Variants in FBXL13 observed in about 807,000 individuals in gnomAD.
The protein encoded by FBXL13 is F-box and leucine rich repeat protein 13, also known as F-box and leucine-rich repeat protein 13.
A neutral mutation model predicts 83.6 loss-of-function variants in FBXL13; 67 were observed. The observed-to-expected ratio is 0.80, with a 90% CI of 0.66 to 0.98. FBXL13 has a LOEUF of 0.98. Ranked by LOEUF, FBXL13 falls within the 50% of genes least tolerant of loss-of-function variation. FBXL13 has a pLI of 0.00. For synonymous variants in FBXL13, 272 were observed against 299.5 expected, an observed-to-expected ratio of 0.91 and a Z score of 0.95; for missense variants, 822 against 866.5, an observed-to-expected ratio of 0.95 and a Z score of 0.64.
intron 8 of FBXL13, chr7:102,944,509 G>A: frequency 6.2e-7 from 1 of 1,614,024 alleles, no homozygotes; most frequent in Non-Finnish European, 8.5e-7. Flanking sequence ...AGCATATCCT[G>A]AGTCATTTGA....
intron 8 of FBXL13, among the ~76,000 whole-genome samples, chr7:102,958,962 C>T (rs1022143263): frequency 2.6e-5 from 4 of 151,978 alleles, no homozygotes; most frequent in Non-Finnish European, 5.9e-5. Flanking sequence ...AAAAAGGAGA[C>T]ATGAACAAGA....
At chr7:102,954,769 C>G (rs759259210) in intron 8 of FBXL13, among the ~76,000 whole-genome samples, 2 of 152,042 alleles carry the variant, frequency 1.3e-5, no homozygotes, top group East Asian at 3.9e-4. Context: ...AGACTTTAAA[C>G]CAACAAAGAT....
chr7:102,932,028 A>G, intron 8 of FBXL13, 95 bp from the exon 10 acceptor site: 2 of 1,156,720 alleles, frequency 1.7e-6, no homozygotes, highest in Non-Finnish European at 2.5e-6. Flanking sequence ...ATTCATTAGA[A>G]AACAAACAAA....
chr7:103,052,352 T>C (rs1796901753), intron 2 of FBXL13, among the ~76,000 whole-genome samples: 1 of 152,100 alleles, frequency 6.6e-6, no homozygotes, highest in Non-Finnish European at 1.5e-5. Context: ...GCCTCCTAAG[T>C]AGATGGGAGT....
At position 102,854,759 on chromosome 7, in the gene FBXL13, T is replaced by A; in HGVS notation, c.1719+18A>T. Reference sequence around the variant, plus strand: ...ATTTCAATCTTAATTCTTTAACAGATGATCTTAATGATCTTACCTGAATTC... The same window carrying A: ...ATTTCAATCTTAATTCTTTAACAGAAGATCTTAATGATCTTACCTGAATTC... On this transcript the variant is annotated intron_variant, in intron 17 of 19. Transcript: ENST00000313221. 7.1e-7 allele frequency: 1 copy of A among 1,407,794 alleles called. No individual in the cohort carries two copies. The highest frequency in any genetic ancestry group is 1.4e-5 in the South Asian group (1 of 72,852). The allele number at this position is 1,407,794 out of a possible 1,614,324, so 87.2% of individuals were successfully genotyped here. A position where few individuals can be genotyped will look rare whatever the true frequency, so the allele number is the denominator to read the frequency against.
chr7:103,010,312 C>G (rs2129486427), intron 6 of FBXL13, among the ~76,000 whole-genome samples: 1 of 152,216 alleles, frequency 6.6e-6, no homozygotes, highest in South Asian at 2.1e-4. Context: ...AGGAAATACC[C>G]AGATGGCAGG....
At chr7:103,001,798 G>A (rs1479778243) in intron 6 of FBXL13, among the ~76,000 whole-genome samples, 2 of 152,166 alleles carry the variant, frequency 1.3e-5, no homozygotes, top group Admixed American at 1.3e-4. Flanking sequence ...TGGGCCTTTG[G>A]CCACAGAATG....
At chr7:102,885,633 T>C (rs1432326150) in intron 11 of FBXL13, among the ~76,000 whole-genome samples, 7 of 152,196 alleles carry the variant, frequency 4.6e-5, no homozygotes, top group Non-Finnish European at 7.3e-5. Context: ...TGAAGTTCAG[T>C]TTATCTATTT....
At chr7:102,826,749 A>G (rs1240788059) in intron 18 of FBXL13, among the ~76,000 whole-genome samples, 4 of 103,104 alleles carry the variant, frequency 3.9e-5, no homozygotes, top group African/African-American at 1.4e-4. Context: ...ATATATATAT[A>G]TATATATATA....
At chr7:102,999,257 C>G (rs1385039199) in intron 6 of FBXL13, among the ~76,000 whole-genome samples, 1 of 151,918 alleles carries the variant, frequency 6.6e-6, no homozygotes, top group Non-Finnish European at 1.5e-5. Flanking sequence ...TCTTTGCATC[C>G]CTGGGATGAA....
chr7:103,025,095 T>C (rs1793753110), exon 6 of FBXL13: 2 of 1,611,746 alleles, frequency 1.2e-6, no homozygotes, highest in Admixed American at 3.4e-5. Flanking sequence ...AACAGTGAAA[T>C]GTCACATTTT....
chr7:102,965,678 G>A (rs767643550), intron 7 of FBXL13, among the ~76,000 whole-genome samples: 2 of 152,188 alleles, frequency 1.3e-5, no homozygotes, highest in Non-Finnish European at 2.9e-5. Flanking sequence ...AAACATGTTT[G>A]TGTTTCTCAT....
chr7:103,031,834 G>T (rs1794541777), intron 2 of FBXL13, among the ~76,000 whole-genome samples: 1 of 152,046 alleles, frequency 6.6e-6, no homozygotes, highest in Admixed American at 6.6e-5. Context: ...TACTTTTTTA[G>T]GCCAGTGGCC....
intron 2 of FBXL13, among the ~76,000 whole-genome samples, chr7:103,043,762 C>T (rs1295117126): frequency 6.6e-6 from 1 of 152,204 alleles, no homozygotes; most frequent in Non-Finnish European, 1.5e-5. Flanking sequence ...GATCCACCTG[C>T]CTTGGCCTCC....
At chr7:102,833,094 C>T (rs938057924) in intron 17 of FBXL13, 120 bp from the exon 19 acceptor site, 2 of 1,018,598 alleles carry the variant, frequency 2.0e-6, no homozygotes, top group Admixed American at 2.9e-5. Context: ...GATCTTGATG[C>T]CCCCAAAAAA....
At chr7:102,842,343 G>A (rs985092834) in intron 17 of FBXL13, among the ~76,000 whole-genome samples, 16 of 152,114 alleles carry the variant, frequency 1.1e-4, no homozygotes, top group East Asian at 7.7e-4. Flanking sequence ...AAAACAAATA[G>A]AAATCAATGT....
intron 6 of FBXL13, among the ~76,000 whole-genome samples, chr7:102,979,489 T>A (rs941239421): frequency 6.6e-6 from 1 of 152,216 alleles, no homozygotes; most frequent in Admixed American, 6.5e-5. Flanking sequence ...TAAGGTAACA[T>A]ACTCACAGGT....
intron 11 of FBXL13, among the ~76,000 whole-genome samples, chr7:102,911,449 T>G (rs1235114370): frequency 1.3e-5 from 2 of 152,148 alleles, no homozygotes; most frequent in Non-Finnish European, 2.9e-5. Context: ...TCAAGCACAT[T>G]AAGTTGTTCC....
intron 19 of FBXL13, among the ~76,000 whole-genome samples, chr7:102,819,431 A>G (rs1378428700): frequency 6.6e-6 from 1 of 152,154 alleles, no homozygotes; most frequent in Non-Finnish European, 1.5e-5. Flanking sequence ...GGCTACAGCC[A>G]ATTTGCTCAT....
Sources: gnomAD v4.1 joint callset for allele counts (sites outside exome capture counted in the v4.1 genomes callset) on GRCh38, gnomAD v4.1.1 for gene constraint, MANE v1.5 for transcripts, NCBI Gene and HGNC (gene_info 2026-07-23, HGNC 2026-07-21) for gene names.